Variants in DRD3 observed in about 807,000 individuals in gnomAD.
The protein encoded by DRD3 is D(3) dopamine receptor.
Under a neutral mutation model 36.3 loss-of-function variants are expected in DRD3, and 19 were observed. The observed-to-expected ratio is 0.52, with a 90% CI of 0.36 to 0.77. DRD3 has a LOEUF of 0.77. Ranked by LOEUF, DRD3 falls within the 30% of genes least tolerant of loss-of-function variation. The pLI is 0.00. For missense variants in DRD3, 465 were observed against 505.3 expected, an observed-to-expected ratio of 0.92 and a Z score of 0.77; for synonymous variants, 195 against 203.7, an observed-to-expected ratio of 0.96 and a Z score of 0.36.
intron 2 of DRD3, among the ~76,000 whole-genome samples, chr3:114,165,368 T>C (rs1480617532): frequency 6.6e-6 from 1 of 151,912 alleles, no homozygotes; most frequent in Non-Finnish European, 1.5e-5. Flanking sequence ...AAGGTGGAGG[T>C]TGCAGTGAGC....
chr3:114,153,457 A>C (rs2077637172), intron 3 of DRD3, among the ~76,000 whole-genome samples: 1 of 152,214 alleles, frequency 6.6e-6, no homozygotes, highest in South Asian at 2.1e-4. Flanking sequence ...TTATCCACCA[A>C]AAATGTACAT....
intron 5 of DRD3, 74 bp downstream of exon 5, chr3:114,139,426 T>C (rs1387709944): frequency 7.1e-7 from 1 of 1,417,288 alleles, no homozygotes; most frequent in African/African-American, 1.4e-5. Context: ...GGCAAAATCA[T>C]GCACTGCTGG....
intron 2 of DRD3, among the ~76,000 whole-genome samples, chr3:114,165,861 T>A (rs950868383): frequency 1.1e-4 from 16 of 152,104 alleles, no homozygotes; most frequent in African/African-American, 3.9e-4. Context: ...CCAAATGTCG[T>A]AGCAGATGAC....
chr3:114,192,970 C>T (rs746262647), intron 1 of DRD3, among the ~76,000 whole-genome samples: 19 of 151,944 alleles, frequency 1.3e-4, no homozygotes, highest in Non-Finnish European at 2.1e-4. Context: ...TAAAAAAAAG[C>T]GACAAAACAA....
At chr3:114,139,724 C>T (rs1408155460) in intron 4 of DRD3, 28 bp from the exon 5 acceptor site, 2 of 1,606,546 alleles carry the variant, frequency 1.2e-6, no homozygotes, top group African/African-American at 2.7e-5. Flanking sequence ...GAAGGTAAAG[C>T]AGTTAGCAAG....
chr3:114,174,106 CATA>C (rs1559999449), intron 1 of DRD3, among the ~76,000 whole-genome samples: 1 of 152,174 alleles, frequency 6.6e-6, no homozygotes, highest in Admixed American at 6.5e-5. Context: ...TATTTTAAAA[CATA>C]ATAATAATTC....
At chr3:114,160,567 C>T (rs1383859478) in intron 2 of DRD3, among the ~76,000 whole-genome samples, 1 of 152,168 alleles carries the variant, frequency 6.6e-6, no homozygotes, top group African/African-American at 2.4e-5. Flanking sequence ...GGTGACTACC[C>T]GATGTGTACA....
upstream of DRD3, among the ~76,000 whole-genome samples, chr3:114,180,921 T>TC (rs766093138): frequency 1.3e-5 from 2 of 152,174 alleles, no homozygotes; most frequent in Non-Finnish European, 2.9e-5. Flanking sequence ...GCAAAGGCCT[T>TC]CTAAGGAGTT....
intron 1 of DRD3, among the ~76,000 whole-genome samples, chr3:114,188,102 C>T (rs1341243266): frequency 6.6e-6 from 1 of 152,016 alleles, no homozygotes; most frequent in Non-Finnish European, 1.5e-5. Context: ...TAACAGAAAA[C>T]CCCTTCTCAA....
chr3:114,190,458 A>G (rs1421427944), intron 1 of DRD3, among the ~76,000 whole-genome samples: 1 of 9,454 alleles, frequency 1.1e-4, no homozygotes, highest in Non-Finnish European at 1.7e-4. Context: ...ATATATATAT[A>G]TATATTTTTT....
chr3:114,152,810 G>C (rs978119478), intron 3 of DRD3, among the ~76,000 whole-genome samples: 1 of 152,252 alleles, frequency 6.6e-6, no homozygotes, highest in African/African-American at 2.4e-5. Flanking sequence ...GCACGTGACC[G>C]ACTGCAGGCG....
chr3:114,153,856 C>T (rs924440791), intron 3 of DRD3, among the ~76,000 whole-genome samples: 1 of 152,172 alleles, frequency 6.6e-6, no homozygotes, highest in Non-Finnish European at 1.5e-5. Flanking sequence ...ACATCTCTCT[C>T]TCTGGGTTGT....
intron 1 of DRD3, among the ~76,000 whole-genome samples, chr3:114,195,462 A>G (rs1302367342): frequency 6.6e-6 from 1 of 152,334 alleles, no homozygotes; most frequent in East Asian, 1.9e-4. Flanking sequence ...GAAATCACAT[A>G]GTAAAATGTA....
At chr3:114,180,173 GTAA>G (rs911180430), upstream of DRD3, among the ~76,000 whole-genome samples, 56 of 151,910 alleles carry the variant, frequency 3.7e-4, no homozygotes, top group African/African-American at 1.1e-3. Flanking sequence ...AATTATGACA[GTAA>G]TAATAATATT....
intron 1 of DRD3, among the ~76,000 whole-genome samples, chr3:114,187,002 A>T (rs1034184113): frequency 6.6e-6 from 1 of 152,178 alleles, no homozygotes; most frequent in Non-Finnish European, 1.5e-5. Flanking sequence ...GAAGATCTAG[A>T]GGCTCAAAAG....
At chr3:114,174,059 A>G (rs1311953574) in intron 1 of DRD3, among the ~76,000 whole-genome samples, 2 of 152,226 alleles carry the variant, frequency 1.3e-5, no homozygotes, top group East Asian at 3.8e-4. Context: ...GTTTAAAAAA[A>G]TTGTCCTTTA....
chr3:114,171,545 A>G (rs2077841694), intron 2 of DRD3, among the ~76,000 whole-genome samples, 178 bp downstream of exon 2: 3 of 152,158 alleles, frequency 2.0e-5, no homozygotes, highest in African/African-American at 7.2e-5. Context: ...TGGATGAGGG[A>G]CAGGATGGTG....
At chr3:114,151,779 C>T (rs767766180) in intron 3 of DRD3, among the ~76,000 whole-genome samples, 1 of 152,210 alleles carries the variant, frequency 6.6e-6, no homozygotes, top group Non-Finnish European at 1.5e-5. Context: ...TGTCTCCCAC[C>T]TCTGAGGTGT....
intron 3 of DRD3, among the ~76,000 whole-genome samples, chr3:114,150,245 C>G (rs534729877): frequency 6.6e-6 from 1 of 152,348 alleles, no homozygotes; most frequent in East Asian, 1.9e-4. Context: ...TTCAATTAAT[C>G]ATTCCTTCTT....
Sources: allele counts gnomAD v4.1 joint callset (sites outside exome capture counted in the v4.1 genomes callset), GRCh38; gene constraint gnomAD v4.1.1; transcripts MANE v1.5; gene names NCBI Gene and HGNC (gene_info 2026-07-23, HGNC 2026-07-21).